Variants in KCNQ1 observed in about 807,000 individuals in gnomAD.
KCNQ1 encodes the protein potassium voltage-gated channel subfamily KQT member 1.
A neutral mutation model predicts 72.4 loss-of-function variants in KCNQ1; 49 were observed. The ratio of observed to expected loss-of-function variants is 0.68; its 90% CI spans 0.54 to 0.86. KCNQ1 has a LOEUF of 0.86. Among genes scored for constraint, KCNQ1 ranks in the 40% least tolerant of loss-of-function variants. KCNQ1 has a pLI of 0.00. For synonymous variants in KCNQ1, 450 were observed against 412.6 expected (o/e 1.09, Z -1.10); for missense variants, 790 against 945.1 (o/e 0.84, Z 2.15).
Position 2,848,036 on chromosome 11 carries a change from G to T in KCNQ1, c.*33G>T, listed in dbSNP as rs1341470142. The T allele has an allele frequency of 5.9e-6, 9 of 1,514,212 alleles. No homozygotes were observed. Among genetic ancestry groups the T allele is most frequent in the East Asian group, 4.9e-5 (2 of 41,062 alleles). 93.8% of individuals were successfully genotyped at this position (1,514,212 alleles called of 1,614,324 possible). A position where few individuals can be genotyped will look rare whatever the true frequency, so the allele number is the denominator to read the frequency against. ...ATGGGGCTGGGGGATGGGCCTGAGT[G>T]AGAGGGGAGGCCAAGAGTGGCCCCA... On this transcript the variant is annotated 3_prime_UTR_variant, in exon 16 of 16. Coordinates refer to ENST00000155840, the MANE Select transcript of KCNQ1 (RefSeq NM_000218.3).
rs749086979 is a variant in KCNQ1, at chr11:2,588,792, C to T, written c.1331C>T (p.Thr444Met). The part of the protein sequence containing the change: ...GEKMLTVPHI[T>M]CDPPEERRLD... ...AAGATGCTCACAGTCCCCCATATCA[C>T]GTGCGACCCCCCAGAAGAGCGGCGG... is the stretch of plus-strand genomic sequence containing the variant. Residue 444 changes from threonine (T) to methionine (M), a missense_variant, in exon 10 of 16, where the codon ACG (threonine) becomes ATG (methionine). This residue lies in a region of KCNQ1 where 178 missense variants were observed against 177.9 expected (regional missense o/e 1.00). Transcript: ENST00000155840. This position sits in a 1 kb window ranked among gnomAD's most constrained non-coding sequence, Gnocchi z 5.6. 17 of 1,613,342 alleles carry T rather than the reference C, an allele frequency of 1.1e-5. No individual in the cohort carries two copies. Among genetic ancestry groups the T allele is most frequent in the East Asian group, 6.7e-5 (3 of 44,826 alleles).
At chr11:2,616,156 T>C (rs1043555230) in intron 10 of KCNQ1, 8 of 397,976 alleles carry the variant, frequency 2.0e-5, no homozygotes, top group Non-Finnish European at 3.5e-5. Flanking sequence ...AGTATTCTTT[T>C]ATCACACTTT....
chr11:2,634,181 T>C (rs1391595023), intron 10 of KCNQ1: 1 of 397,580 alleles, frequency 2.5e-6, no homozygotes, highest in Non-Finnish European at 4.4e-6. Flanking sequence ...TCCCTTTTTT[T>C]TATTATACTT....
intron 11 of KCNQ1, chr11:2,693,889 C>A (rs1324260251): frequency 1.5e-5 from 6 of 398,666 alleles, no homozygotes; most frequent in Non-Finnish European, 2.2e-5. Context: ...AAACCCTACT[C>A]GTCCTCCTCC....
Position 2,588,907 on chromosome 11 carries a change from T to C in KCNQ1, c.1393+53T>C, listed in dbSNP as rs920892364. The C allele has an allele frequency of 1.3e-5, 20 of 1,599,240 alleles. 1 individual carries two copies. The highest frequency in any genetic ancestry group is 2.2e-4 in the Middle Eastern group (1 of 4,466). ...CGCGGGGCCGGGAAGGTCACTGCCT[T>C]TTTTGGGAGCCCGAGCAAGCCAGTG... On this transcript the variant is annotated intron_variant, in intron 10 of 15. Coordinates refer to ENST00000155840, the MANE Select transcript of KCNQ1 (RefSeq NM_000218.3). This position sits in a 1 kb window ranked among gnomAD's most constrained non-coding sequence, Gnocchi z 5.6.
chr11:2,448,168 A>G (rs1846072446), intron 1 of KCNQ1, among the ~76,000 whole-genome samples: 1 of 152,164 alleles, frequency 6.6e-6, no homozygotes, highest in Non-Finnish European at 1.5e-5. Flanking sequence ...AGGGGTGTGG[A>G]CATCCAGGTG....
chr11:2,455,371 T>TA lies in KCNQ1; in HGVS notation c.386+9887_386+9888insA, dbSNP rs1372556102. On this transcript the variant is annotated intron_variant, in intron 1 of 15. Coordinates refer to ENST00000155840, the MANE Select transcript of KCNQ1 (RefSeq NM_000218.3). Reference sequence around the variant, plus strand: ...CCTTGGCCTCCCAAAGTGCTGGGATTCAGGCTTGAGCCACCGTGCCTGGCC... The same window carrying TA: ...CCTTGGCCTCCCAAAGTGCTGGGATTACAGGCTTGAGCCACCGTGCCTGGCC... 2.1e-4 allele frequency among the ~76,000 whole-genome samples: 32 copies of TA among 152,334 alleles called. No homozygotes were observed. In the East Asian group the frequency reaches 4.0e-3, roughly 19 times the overall value.
rs961667826 is a variant in KCNQ1 at position 2,617,235 on chromosome 11, C to T, written c.1393+28381C>T. On this transcript the variant is annotated intron_variant, in intron 10 of 15. Transcript: ENST00000155840. The surrounding 1 kb of genome is among the most constrained non-coding windows in gnomAD (Gnocchi z 4.6). ...CCTACATCTTTCCATTTTCTTCCCC[C>T]ACACCTTGCCCATGGTAACCACTAG... 5 of 398,252 alleles carry T rather than the reference C, an allele frequency of 1.3e-5. No homozygotes were observed. Among genetic ancestry groups the T allele is most frequent in the African/African-American group, 6.2e-5 (3 of 48,592 alleles). The allele number at this position is 398,252 out of a possible 1,614,324, so 24.7% of individuals were successfully genotyped here.
chr11:2,532,268 C>T (rs886591307), intron 2 of KCNQ1, among the ~76,000 whole-genome samples: 1 of 152,220 alleles, frequency 6.6e-6, no homozygotes, highest in African/African-American at 2.4e-5. Flanking sequence ...CTGCATGGCG[C>T]TTCCTGGCCG....
At chr11:2,845,315 G>C (rs1464074485) in intron 15 of KCNQ1, among the ~76,000 whole-genome samples, 1 of 152,178 alleles carries the variant, frequency 6.6e-6, no homozygotes, top group Admixed American at 6.5e-5. Flanking sequence ...TGGGAGCTGT[G>C]GGGACAGGAT....
rs1846529168 is a variant in KCNQ1 at position 2,768,121 on chromosome 11, C to T, written c.1515-723C>T. Among the ~76,000 whole-genome samples the T allele has an allele frequency of 6.6e-6, 1 of 152,200 alleles. No individual in the cohort carries two copies. Among genetic ancestry groups the T allele is most frequent in the African/African-American group, 2.4e-5 (1 of 41,444 alleles). On this transcript the variant is annotated intron_variant, in intron 11 of 15. Transcript: ENST00000155840. The surrounding 1 kb of genome is among the most constrained non-coding windows in gnomAD (Gnocchi z 6.7). Reference sequence around the variant, plus strand: ...GTTGGCATCACTTAGTCTCGCAGTCCCTGGTGTTTCCATCAGGAAAGTCAG... The same window carrying T: ...GTTGGCATCACTTAGTCTCGCAGTCTCTGGTGTTTCCATCAGGAAAGTCAG...
At chr11:2,744,357 A>C (rs576576142) in intron 11 of KCNQ1, among the ~76,000 whole-genome samples, 3 of 152,218 alleles carry the variant, frequency 2.0e-5, no homozygotes, top group African/African-American at 7.2e-5. Context: ...CTTGTGTAGC[A>C]GCTGAGCTCC....
rs955969204 is a variant in KCNQ1 at position 2,563,294 on chromosome 11, G to T, written c.478-7334G>T. Among the ~76,000 whole-genome samples, 1 of 152,200 alleles carries T rather than the reference G, an allele frequency of 6.6e-6. No homozygotes were observed. Among genetic ancestry groups the T allele is most frequent in the African/African-American group, 2.4e-5 (1 of 41,442 alleles). ...CTCGGAGAACACCGGTTCCACGGCC[G>T]GTTGCAACACGTTTGAGCCAAAGTG... On this transcript the variant is annotated intron_variant, in intron 2 of 15. Transcript: ENST00000155840. The surrounding 1 kb of genome is among the most constrained non-coding windows in gnomAD (Gnocchi z 7.4).
At position 2,841,287 on chromosome 11, in the gene KCNQ1, A is replaced by G. The variant is rs958703462; in HGVS notation, c.1795-6480A>G. Among the ~76,000 whole-genome samples the G allele has an allele frequency of 3.9e-5, 6 of 152,282 alleles. No homozygotes were observed. The South Asian group carries it at 6.2e-4, about 16-fold the overall frequency. ...CCAGCGGAGCCTCTGGGGGCACTGC[A>G]AAAGGAGACTGGATTTTACTCCCAG... On this transcript the variant is annotated intron_variant, in intron 15 of 15. Transcript: ENST00000155840.
intron 1 of KCNQ1, among the ~76,000 whole-genome samples, chr11:2,448,105 A>G (rs769894826): frequency 1.5e-4 from 23 of 152,222 alleles, no homozygotes; most frequent in Non-Finnish European, 2.8e-4. Flanking sequence ...ATGGGGGTCC[A>G]TACAGCCCTG....
chr11:2,530,990 T>A (rs1025717168), intron 2 of KCNQ1, among the ~76,000 whole-genome samples: 1 of 152,138 alleles, frequency 6.6e-6, no homozygotes, highest in African/African-American at 2.4e-5. Context: ...TGCCTGGTTT[T>A]AAATGGAGCC....
At chr11:2,823,735 G>C (rs1450979450) in intron 15 of KCNQ1, among the ~76,000 whole-genome samples, 45 of 152,236 alleles carry the variant, frequency 3.0e-4, no homozygotes. Flanking sequence ...GAAGAGAGCA[G>C]AGAAGCAGGA....
At position 2,541,065 on chromosome 11, in the gene KCNQ1, G is replaced by A. The variant is rs558569617; in HGVS notation, c.477+13047G>A. Among the ~76,000 whole-genome samples the A allele has an allele frequency of 1.9e-4, 29 of 152,382 alleles. No homozygotes were observed. Among genetic ancestry groups the A allele is most frequent in the Non-Finnish European group, 2.2e-4 (15 of 68,038 alleles). ...TGGACACACTCACGTGTGTGTGCACGTTCAGGCTCAGACACGTGCCTGCAT... is the reference window on the plus strand; with the variant it reads ...TGGACACACTCACGTGTGTGTGCACATTCAGGCTCAGACACGTGCCTGCAT... On this transcript the variant is annotated intron_variant, in intron 2 of 15. Transcript: ENST00000155840. The surrounding 1 kb of genome is among the most constrained non-coding windows in gnomAD (Gnocchi z 4.8).
Position 2,479,018 on chromosome 11 carries a change from A to G in KCNQ1, c.386+33534A>G, listed in dbSNP as rs1029714996. 1.3e-4 allele frequency among the ~76,000 whole-genome samples: 20 copies of G among 152,228 alleles called. No homozygotes were observed. The highest frequency in any genetic ancestry group is 3.9e-4 in the African/African-American group (16 of 41,462). ...GGGGCAGTTAAATCTTAATGCTCCA[A>G]AATGATCTCCATTGACTCCATGTCT... On this transcript the variant is annotated intron_variant, in intron 1 of 15. Coordinates refer to ENST00000155840, the MANE Select transcript of KCNQ1 (RefSeq NM_000218.3). This position sits in a 1 kb window ranked among gnomAD's most constrained non-coding sequence, Gnocchi z 4.6.
Sources: gnomAD v4.1 joint callset for allele counts (sites outside exome capture counted in the v4.1 genomes callset) on GRCh38, gnomAD v4.1.1 for gene constraint, gnomAD v4.1.1 regional missense constraint, Gnocchi (gnomAD v3.1) non-coding constraint, MANE v1.5 for transcripts, NCBI Gene and HGNC (gene_info 2026-07-23, HGNC 2026-07-21) for gene names.